The following MPND variants were observed in gnomAD, a reference collection of about 807,000 sequenced individuals.
MPND encodes MPN domain-containing protein.
Under a neutral mutation model 59.2 loss-of-function variants are expected in MPND, and 56 were observed. The observed-to-expected ratio is 0.95, with a 90% confidence interval of 0.76 to 1.18. The LOEUF (loss-of-function observed/expected upper bound fraction) is 1.18. Ranked by LOEUF, MPND falls within the 50% of genes most tolerant of loss-of-function variation. The pLI is 0.00. For synonymous variants in MPND, 323 were observed against 291.9 expected, an observed-to-expected ratio of 1.11 and a Z score of -1.09; for missense variants, 671 against 676.0, an observed-to-expected ratio of 0.99 and a Z score of 0.08.
At chr19:4,352,838 G>GA in intron 3 of MPND, 59 bp from the exon 4 acceptor site, 2 of 1,271,336 alleles carry the variant, frequency 1.6e-6, no homozygotes, top group Non-Finnish European at 2.0e-6. Flanking sequence ...ATTTAGCAGG[G>GA]AGCGGGGGGG....
intron 3 of MPND, among the ~76,000 whole-genome samples, chr19:4,349,551 C>T (rs1391628631): frequency 6.7e-6 from 1 of 149,950 alleles, no homozygotes; most frequent in Non-Finnish European, 1.5e-5. Context: ...GCTCTTGTTG[C>T]CCAGGCTGGA....
chr19:4,345,618 C>A, intron 2 of MPND, 127 bp from the exon 3 acceptor site: 1 of 833,636 alleles, frequency 1.2e-6, no homozygotes, highest in Non-Finnish European at 1.9e-6. Flanking sequence ...CTGCAGCCGG[C>A]CTGAGAGGTG....
chr19:4,354,796 G>T (rs894899984), intron 6 of MPND, among the ~76,000 whole-genome samples, 153 bp from the exon 7 acceptor site: 1 of 152,158 alleles, frequency 6.6e-6, no homozygotes, highest in Non-Finnish European at 1.5e-5. Context: ...CTGGGGAGGC[G>T]GAGGTTGCGG....
intron 4 of MPND, 93 bp from the exon 5 acceptor site, chr19:4,353,952 G>A: frequency 9.2e-7 from 1 of 1,082,934 alleles, no homozygotes; most frequent in Non-Finnish European, 1.4e-6. Flanking sequence ...CTTCAGCACT[G>A]GGATTATAGG....
chr19:4,346,716 G>GT (rs71166988), intron 3 of MPND, among the ~76,000 whole-genome samples: 10 of 150,514 alleles, frequency 6.6e-5, no homozygotes, highest in South Asian at 2.1e-4. Context: ...TGCACTGGCC[G>GT]TTTTTTTTTT....
chr19:4,349,434 G>A (rs549180788), intron 3 of MPND, among the ~76,000 whole-genome samples: 7 of 152,136 alleles, frequency 4.6e-5, no homozygotes, highest in Admixed American at 3.3e-4. Flanking sequence ...GGGAGAAGGC[G>A]AGTGGGAGGG....
intron 8 of MPND, among the ~76,000 whole-genome samples, chr19:4,355,856 CCTTTTTT>C (rs1186368629): frequency 1.0e-5 from 1 of 97,172 alleles, no homozygotes; most frequent in Non-Finnish European, 2.1e-5. Flanking sequence ...CTGCGCCCGG[CCTTTTTT>C]TTTTTTTTCT....
intron 6 of MPND, 109 bp downstream of exon 6, chr19:4,354,529 T>C: frequency 3.3e-6 from 3 of 907,912 alleles, no homozygotes; most frequent in Middle Eastern, 5.2e-4. Flanking sequence ...CCTTGTCTGC[T>C]TTGTTTGCTA....
chr19:4,350,953 C>G (rs1228229381), intron 3 of MPND, among the ~76,000 whole-genome samples: 1 of 151,894 alleles, frequency 6.6e-6, no homozygotes, highest in African/African-American at 2.4e-5. Flanking sequence ...AGCGTGGGAT[C>G]CGGGGGTTGT....
chr19:4,354,963 CCT>C lies in MPND; in HGVS notation c.862_863del (p.Leu288AspfsTer4). On this transcript the variant is annotated frameshift_variant, in exon 7 of 13. Transcript: ENST00000599840. LOFTEE classifies it high-confidence loss of function. ...VLFLLDFHSH[L>X]TRSEVVGYLG... ...CCCTTCCCCAGGACTTCCACAGTCA[CCT>C]GACACGGAGTGAGGTCGTGGGTTAC... is the stretch of plus-strand genomic sequence containing the variant. 1 of 1,599,702 alleles carries C rather than the reference CCT, an allele frequency of 6.3e-7. No homozygotes were observed. The highest frequency in any genetic ancestry group is 1.7e-5 in the Admixed American group (1 of 59,306).
chr19:4,354,692 T>C lies in MPND; in HGVS notation c.847-257T>C, dbSNP rs1238793904. 34 of 590,836 alleles carry C rather than the reference T, an allele frequency of 5.8e-5. No homozygotes were observed. The East Asian group carries it at 9.6e-4, about 17-fold the overall frequency. 36.6% of individuals were successfully genotyped at this position (590,836 alleles called of 1,614,324 possible). A position where few individuals can be genotyped will look rare whatever the true frequency, so the allele number is the denominator to read the frequency against. ...ACAAGCCTGGGTAACACTGAAACCCTGTCTCTACTAAATATACAAAAATTA... is the reference window on the plus strand; with the variant it reads ...ACAAGCCTGGGTAACACTGAAACCCCGTCTCTACTAAATATACAAAAATTA... On this transcript the variant is annotated intron_variant, in intron 6 of 12. Transcript: ENST00000599840.
chr19:4,358,259 T>C, intron 11 of MPND, 87 bp downstream of exon 11: 5 of 1,205,608 alleles, frequency 4.1e-6, no homozygotes, highest in Non-Finnish European at 5.9e-6. Flanking sequence ...CCGGTGGGCT[T>C]GGGAAGCTAT....
At chr19:4,358,310 A>G in intron 11 of MPND, 138 bp downstream of exon 11, 1 of 732,466 alleles carries the variant, frequency 1.4e-6, no homozygotes. Flanking sequence ...GGCTTCTTCC[A>G]TCACTCAGGA....
intron 3 of MPND, among the ~76,000 whole-genome samples, chr19:4,351,091 G>A (rs1281305704): frequency 6.6e-6 from 1 of 152,082 alleles, no homozygotes; most frequent in Non-Finnish European, 1.5e-5. Flanking sequence ...GACAGAACTG[G>A]AGGAGAGGTT....
At chr19:4,357,491 A>C (rs375734023) in intron 9 of MPND, 24 bp from the exon 10 acceptor site, 66 of 1,611,242 alleles carry the variant, frequency 4.1e-5, no homozygotes, top group Non-Finnish European at 4.8e-5. Context: ...CCCAGGGCCA[A>C]CCCCTCTCCC....
At chr19:4,350,274 T>G (rs1599570253) in intron 3 of MPND, among the ~76,000 whole-genome samples, 3 of 148,524 alleles carry the variant, frequency 2.0e-5, no homozygotes, top group Admixed American at 6.7e-5. Flanking sequence ...GAGAAGGAGG[T>G]GGGGAGGATG....
In MPND at chr19:4,343,629, C is replaced by CGGGGCGCGGGGCTGTA. The variant is rs1555735226; in HGVS notation, c.7+43_7+44insTAGGGGCGCGGGGCTG. 7 of 1,188,512 alleles carry CGGGGCGCGGGGCTGTA rather than the reference C, an allele frequency of 5.9e-6. No homozygotes were observed. The Admixed American group carries it at 1.8e-4, about 30-fold the overall frequency. The allele number at this position is 1,188,512 out of a possible 1,614,324, so 73.6% of individuals were successfully genotyped here. A position where few individuals can be genotyped will look rare whatever the true frequency, so the allele number is the denominator to read the frequency against. On this transcript the variant is annotated intron_variant, in intron 1 of 12. Coordinates refer to ENST00000599840, the MANE Select transcript of MPND (RefSeq NM_001300862.2). ...CGGCGGGCCCAGCGGGGCGGAGGCG[C>CGGGGCGCGGGGCTGTA]GGGGCGCGGGGCTGCAGGGGCGCGG... is the stretch of plus-strand genomic sequence containing the variant.
intron 5 of MPND, 81 bp from the exon 6 acceptor site, chr19:4,354,243 G>C: frequency 2.7e-6 from 4 of 1,493,654 alleles, no homozygotes; most frequent in Non-Finnish European, 1.8e-6. Context: ...CCTCAGAGCT[G>C]TGGGGTTGGG....
intron 3 of MPND, among the ~76,000 whole-genome samples, chr19:4,350,077 A>G (rs1358818988): frequency 7.8e-6 from 1 of 128,006 alleles, no homozygotes; most frequent in African/African-American, 2.9e-5. Flanking sequence ...TGGGGGAAGA[A>G]GGTGGTTGGG....
Sources: allele counts gnomAD v4.1 joint callset (sites outside exome capture counted in the v4.1 genomes callset), GRCh38; gene constraint gnomAD v4.1.1; transcripts MANE v1.5; gene names NCBI Gene and HGNC (gene_info 2026-07-23, HGNC 2026-07-21).